The following PHTF2 variants were observed in gnomAD, a reference collection of about 807,000 sequenced individuals.
PHTF2 encodes putative homeodomain transcription factor 2, also known as protein PHTF2.
Under a neutral mutation model 101.2 loss-of-function variants are expected in PHTF2, and 60 were observed. That is an observed-to-expected ratio of 0.59 (90% CI 0.48 to 0.73). The LOEUF is 0.73. Among genes scored for constraint, PHTF2 ranks in the 30% least tolerant of loss-of-function variants. PHTF2 has a pLI of 0.00. For missense variants in PHTF2, 747 were observed against 908.7 expected (o/e 0.82, Z 2.29); for synonymous variants, 311 against 307.3 (o/e 1.01, Z -0.13).
chr7:77,947,641 T>C (rs1320659835), intron 16 of PHTF2, among the ~76,000 whole-genome samples: 1 of 152,008 alleles, frequency 6.6e-6, no homozygotes, highest in African/African-American at 2.4e-5. Flanking sequence ...AATTTCATAT[T>C]GATTCTCCTG....
intron 3 of PHTF2, among the ~76,000 whole-genome samples, chr7:77,875,770 G>A (rs1233718595): frequency 1.3e-5 from 2 of 151,968 alleles, no homozygotes; most frequent in Non-Finnish European, 2.9e-5. Context: ...CGTTAGCCGG[G>A]ATGGTCTTGA....
At chr7:77,899,671 T>C (rs1431764346) in intron 5 of PHTF2, among the ~76,000 whole-genome samples, 1 of 152,204 alleles carries the variant, frequency 6.6e-6, no homozygotes, top group Admixed American at 6.5e-5. Flanking sequence ...ACCTCAAATA[T>C]GGTTCTCTTC....
chr7:77,860,568 A>G (rs574162634), intron 3 of PHTF2, among the ~76,000 whole-genome samples: 1 of 152,358 alleles, frequency 6.6e-6, no homozygotes, highest in East Asian at 1.9e-4. Context: ...ATTAAATGAC[A>G]CAACATATAT....
At chr7:77,817,845 C>G (rs747053732) in intron 1 of PHTF2, among the ~76,000 whole-genome samples, 4 of 152,098 alleles carry the variant, frequency 2.6e-5, no homozygotes, top group Non-Finnish European at 1.5e-5. Context: ...TGCGGTGGCT[C>G]ATGCCTGTAA....
intron 13 of PHTF2, among the ~76,000 whole-genome samples, chr7:77,938,512 C>CTT (rs1805353132): frequency 6.6e-6 from 1 of 152,278 alleles, no homozygotes; most frequent in Middle Eastern, 3.4e-3. Context: ...GGGCGGATCA[C>CTT]AAGGTCAGGA....
chr7:77,901,911 C>G, exon 7 of PHTF2: 1 of 1,578,210 alleles, frequency 6.3e-7, no homozygotes. Flanking sequence ...TGTCCTTTAT[C>G]TTCTTCAAGG....
rs1189410781 is a variant in PHTF2, at chr7:77,937,950, GA to G, written c.1467+120del. 6.9e-5 allele frequency: 30 copies of G among 437,630 alleles called. 1 individual carries two copies. Among genetic ancestry groups the G allele is most frequent in the Middle Eastern group, 6.9e-4 (1 of 1,448 alleles). 27.1% of individuals were successfully genotyped at this position (437,630 alleles called of 1,614,324 possible). A position where few individuals can be genotyped will look rare whatever the true frequency, so the allele number is the denominator to read the frequency against. On this transcript the variant is annotated intron_variant, in intron 13 of 19. Transcript: ENST00000416283. ...CCTTCTGACCTCATTTCTTCACCCTGAAAAAAAAGTTACATGTGTGTATTTG... is the reference window on the plus strand; with the variant it reads ...CCTTCTGACCTCATTTCTTCACCCTGAAAAAAAGTTACATGTGTGTATTTG...
intron 1 of PHTF2, among the ~76,000 whole-genome samples, chr7:77,830,577 T>C (rs1795006689): frequency 6.6e-6 from 1 of 151,694 alleles, no homozygotes; most frequent in South Asian, 2.1e-4. Flanking sequence ...AGATCTCGGT[T>C]GCATGCTTCT....
intron 3 of PHTF2, among the ~76,000 whole-genome samples, chr7:77,879,577 A>G (rs934286940): frequency 6.6e-6 from 1 of 152,038 alleles, no homozygotes; most frequent in Non-Finnish European, 1.5e-5. Flanking sequence ...CAAAGATGGA[A>G]TGTTTTTGTT....
At chr7:77,899,220 G>A (rs1801154127) in intron 5 of PHTF2, among the ~76,000 whole-genome samples, 1 of 152,140 alleles carries the variant, frequency 6.6e-6, no homozygotes, top group Admixed American at 6.6e-5. Context: ...CAACAGGATT[G>A]CCAACAAAAA....
At chr7:77,954,750 T>C in intron 19 of PHTF2, 108 bp from the exon 19 acceptor site, 1 of 626,136 alleles carries the variant, frequency 1.6e-6, no homozygotes, top group Non-Finnish European at 2.8e-6. Flanking sequence ...TATTAGAAAC[T>C]GCACTTGTTT....
chr7:77,832,587 C>G (rs1795154886), intron 1 of PHTF2, among the ~76,000 whole-genome samples: 1 of 152,198 alleles, frequency 6.6e-6, no homozygotes, highest in African/African-American at 2.4e-5. Context: ...ACTGAAAAGT[C>G]TGTTTCCATT....
In PHTF2 at chr7:77,929,233, A is replaced by G. The variant is rs192586041; in HGVS notation, c.1244A>G (p.Glu415Gly). Residue 415 changes from glutamate to glycine, a missense_variant, in exon 12 of 20, where the codon GAA becomes GGA. Physicochemically the swap from Glu to Gly is moderately conservative, Grantham distance 98 (BLOSUM62 -2). Around this residue, in one of 6 missense-constraint regions of PHTF2, gnomAD observed 349 missense variants for 369.7 expected, o/e 0.94. Transcript: ENST00000416283. ...TGGGAAGACTTGTTACATTGTGCAG[A>G]ATGCCATTCATCTTGTACCAGTGAG... 6.8e-6 allele frequency: 11 copies of G among 1,612,088 alleles called. No homozygotes were observed. In the Admixed American group the frequency reaches 1.2e-4, roughly 17 times the overall value.
chr7:77,870,835 C>G (rs749856671), intron 3 of PHTF2, among the ~76,000 whole-genome samples: 5 of 152,132 alleles, frequency 3.3e-5, no homozygotes, highest in Non-Finnish European at 7.4e-5. Flanking sequence ...GCACCAATCC[C>G]CATTCCAAAT....
In PHTF2 at chr7:77,829,298, A is replaced by G. The variant is rs147826688; in HGVS notation, c.-35-10923A>G. The stretch of plus-strand genomic sequence containing the variant: ...GCCTGTAGTTTTTTCTTCTTAGATT[A>G]TGTATCATCTTCTAGCCCAAAGTAC... On this transcript the variant is annotated intron_variant, in intron 1 of 19. Transcript: ENST00000416283. 4.2e-3 allele frequency among the ~76,000 whole-genome samples: 635 copies of G among 152,336 alleles called. 2 individuals are homozygous for G. Among genetic ancestry groups the G allele is most frequent in the Non-Finnish European group, 6.8e-3 (461 of 68,024 alleles).
At chr7:77,868,205 C>T (rs763770958) in intron 3 of PHTF2, among the ~76,000 whole-genome samples, 3 of 151,650 alleles carry the variant, frequency 2.0e-5, no homozygotes, top group African/African-American at 7.3e-5. Flanking sequence ...GTATCCTGCA[C>T]TATCATAGCT....
intron 5 of PHTF2, among the ~76,000 whole-genome samples, chr7:77,899,242 T>G (rs576161774): frequency 1.3e-5 from 2 of 152,148 alleles, no homozygotes; most frequent in Non-Finnish European, 2.9e-5. Context: ...CACAAAAATG[T>G]GAAAAACATA....
intron 19 of PHTF2, among the ~76,000 whole-genome samples, chr7:77,954,610 G>GTGTGTATA (rs1554397898): frequency 1.2e-5 from 1 of 82,534 alleles, no homozygotes; most frequent in Non-Finnish European, 2.2e-5. Context: ...AACAAGTACT[G>GTGTGTATA]TGTATATATA....
intron 3 of PHTF2, among the ~76,000 whole-genome samples, chr7:77,865,289 G>A (rs1275222508): frequency 1.3e-5 from 2 of 151,556 alleles, no homozygotes; most frequent in Non-Finnish European, 2.9e-5. Flanking sequence ...GCAGTGGCAC[G>A]ATCTCAGCTC....
Sources: allele counts gnomAD v4.1 joint callset (sites outside exome capture counted in the v4.1 genomes callset), GRCh38; gene constraint gnomAD v4.1.1; regional missense constraint gnomAD v4.1.1; transcripts MANE v1.5; gene names NCBI Gene and HGNC (gene_info 2026-07-23, HGNC 2026-07-21).